TNKS2: variants seen among roughly 807,000 people sequenced by gnomAD.
TNKS2 encodes the protein tankyrase 2, also known as poly [ADP-ribose] polymerase tankyrase-2.
Under a neutral mutation model 137.6 loss-of-function variants are expected in TNKS2, and 72 were observed. The observed-to-expected ratio is 0.52, with a 90% confidence interval of 0.43 to 0.64. The LOEUF (loss-of-function observed/expected upper bound fraction) is 0.64, where lower values mean the gene tolerates loss of function less well. Ranked by LOEUF, TNKS2 falls within the 30% of genes least tolerant of loss-of-function variation. The pLI is 0.00. For synonymous variants in TNKS2, 516 were observed against 512.1 expected (o/e 1.01, Z -0.10); for missense variants, 1,049 against 1,410.2 (o/e 0.74, Z 4.10).
rs780028856 is a variant in TNKS2, at chr10:91,862,132, T to C, written c.3415T>C (p.Tyr1139His). The C allele has an allele frequency of 6.2e-7, 1 of 1,608,846 alleles. No individual in the cohort carries two copies. Among genetic ancestry groups the C allele is most frequent in the Admixed American group, 1.7e-5 (1 of 59,126 alleles). The change falls in exon 26 of 27, where the codon TAT becomes CAT. Residue 1139 changes from tyrosine to histidine, a missense_variant. This residue lies in a region of TNKS2 where 133 missense variants were observed against 248.4 expected (regional missense o/e 0.54). Coordinates refer to ENST00000371627, the MANE Select transcript of TNKS2 (RefSeq NM_025235.4). ...PSVNGLALAE[Y>H]VIYRGEQAYP... is the part of the protein sequence containing the mutation. ...TGTAAATGGCCTAGCATTAGCTGAATATGTTATTTACAGAGGAGAACAGGT... is the reference window on the plus strand; with the variant it reads ...TGTAAATGGCCTAGCATTAGCTGAACATGTTATTTACAGAGGAGAACAGGT...
chr10:91,847,442 G>A (rs540989149), intron 18 of TNKS2, among the ~76,000 whole-genome samples: 11 of 152,190 alleles, frequency 7.2e-5, no homozygotes, highest in African/African-American at 2.4e-4. Flanking sequence ...TGGGCTCACT[G>A]CAACCTCCGC....
rs905658019 is a variant in TNKS2, at chr10:91,865,433, A to C, written c.*2434A>C. On this transcript the variant is annotated 3_prime_UTR_variant, in exon 27 of 27. Transcript: ENST00000371627. ...TGCAGTTTGAAGTTTGAAATATTGAATATTGTAGCTGTACTTGCTCATTAA... is the reference window on the plus strand; with the variant it reads ...TGCAGTTTGAAGTTTGAAATATTGACTATTGTAGCTGTACTTGCTCATTAA... Among the ~76,000 whole-genome samples the C allele has an allele frequency of 6.6e-6, 1 of 152,196 alleles. No individual in the cohort carries two copies. The highest frequency in any genetic ancestry group is 2.4e-5 in the African/African-American group (1 of 41,464).
rs1844733718 is a variant in TNKS2 at position 91,817,233 on chromosome 10, A to G, written c.520+4A>G. On this transcript the variant is annotated splice_donor_region_variant and intron_variant, in intron 3 of 26. Coordinates refer to ENST00000371627, the MANE Select transcript of TNKS2 (RefSeq NM_025235.4). ...TCTGCCAAAGCAGTGCTTACTGGTA[A>G]GTCTGTATACTCTGGTTATTCCAGG... is the stretch of plus-strand genomic sequence containing the variant. 3 of 1,608,030 alleles carry G rather than the reference A, an allele frequency of 1.9e-6. No individual in the cohort carries two copies. The highest frequency in any genetic ancestry group is 1.7e-5 in the Admixed American group (1 of 59,750).
In TNKS2 at chr10:91,831,152, G is replaced by A; in HGVS notation, c.1246G>A (p.Val416Ile). 1 of 1,613,968 alleles carries A rather than the reference G, an allele frequency of 6.2e-7. No individual in the cohort carries two copies. The highest frequency in any genetic ancestry group is 8.5e-7 in the Non-Finnish European group (1 of 1,179,932). The change falls in exon 11 of 27, where the codon GTT (valine) becomes ATT (isoleucine). Residue 416 changes from valine to isoleucine, a missense_variant. By Grantham distance (29) the Val-to-Ile change is conservative (BLOSUM62 3). Transcript: ENST00000371627. ...ATCTGAGAAAGCTCATAATGATGTTGTTGAAGTAGTGGTGAAACATGAAGC... is the reference window on the plus strand; with the variant it reads ...ATCTGAGAAAGCTCATAATGATGTTATTGAAGTAGTGGTGAAACATGAAGC... ...VASEKAHNDV[V>I]EVVVKHEAKV...
chr10:91,816,456 C>T (rs1844700316), intron 2 of TNKS2, among the ~76,000 whole-genome samples: 1 of 151,996 alleles, frequency 6.6e-6, no homozygotes, highest in African/African-American at 2.4e-5. Flanking sequence ...TAATTTGCAC[C>T]TCGGTTTCAA....
intron 7 of TNKS2, among the ~76,000 whole-genome samples, chr10:91,824,706 G>A (rs545112193): frequency 2.6e-5 from 4 of 152,304 alleles, no homozygotes; most frequent in East Asian, 1.9e-4. Flanking sequence ...ATGAAGCTGG[G>A]AAGGATAACT....
chr10:91,855,866 A>G (rs1300779190), intron 23 of TNKS2, among the ~76,000 whole-genome samples, 178 bp downstream of exon 23: 1 of 152,154 alleles, frequency 6.6e-6, no homozygotes, highest in Non-Finnish European at 1.5e-5. Flanking sequence ...TCCCTGTGCT[A>G]TTTTTAATAA....
chr10:91,845,088 G>A (rs904868110), intron 17 of TNKS2, 60 bp downstream of exon 17: 7 of 1,062,562 alleles, frequency 6.6e-6, no homozygotes, highest in East Asian at 5.0e-5. Context: ...AGTCAGTATT[G>A]CAGCTCAAAT....
intron 2 of TNKS2, among the ~76,000 whole-genome samples, 168 bp downstream of exon 2, chr10:91,813,375 A>G (rs1294726853): frequency 1.3e-5 from 2 of 152,222 alleles, no homozygotes; most frequent in Non-Finnish European, 2.9e-5. Flanking sequence ...TGTGTGTAGT[A>G]CTGAGCCTAA....
intron 13 of TNKS2, among the ~76,000 whole-genome samples, chr10:91,839,127 A>G (rs1589678052): frequency 6.6e-6 from 1 of 152,074 alleles, no homozygotes; most frequent in African/African-American, 2.4e-5. Context: ...TGGCCTCCCA[A>G]CGTGCTGGGA....
chr10:91,801,676 G>T (rs1021232066), intron 1 of TNKS2, among the ~76,000 whole-genome samples: 1 of 151,794 alleles, frequency 6.6e-6, no homozygotes, highest in African/African-American at 2.4e-5. Flanking sequence ...GTTTCAACAT[G>T]TTGGTCAGGC....
chr10:91,842,204 T>A lies in TNKS2; in HGVS notation c.1872T>A (p.Asp624Glu), dbSNP rs2133655204. 10 of 1,609,208 alleles carry A rather than the reference T, an allele frequency of 6.2e-6. No individual in the cohort carries two copies. In the South Asian group the frequency reaches 7.9e-5, roughly 13 times the overall value. Residue 624 changes from aspartate to glutamate, a missense_variant, in exon 16 of 27, where the codon GAT (aspartate) becomes GAA (glutamate). Physicochemically the swap from Asp to Glu is conservative, Grantham distance 45. Around this residue, in one of 6 missense-constraint regions of TNKS2, gnomAD observed 328 missense variants for 436.0 expected, o/e 0.75. Transcript: ENST00000371627. The stretch of plus-strand genomic sequence containing the variant: ...CAGACCCTACAAAAAAAAACAGGGA[T>A]GGAAATACTCCTTTGGATCTTGTTA... ...HGADPTKKNR[D>E]GNTPLDLVKD...
intron 21 of TNKS2, among the ~76,000 whole-genome samples, chr10:91,853,164 T>A (rs1842601422): frequency 6.6e-6 from 1 of 152,168 alleles, no homozygotes; most frequent in Non-Finnish European, 1.5e-5. Context: ...AAGCAGGCAG[T>A]ATTTGTGTAT....
In TNKS2 at chr10:91,819,975, G is replaced by C; in HGVS notation, c.670G>C (p.Val224Leu). ...ACATTTGGCAGCAGGATATAACAGA[G>C]TAAAGATTGTACAGCTGTTACTGCA... ...PLHLAAGYNRVKIVQLLLQHG... is the reference protein window; with the variant it reads ...PLHLAAGYNRLKIVQLLLQHG... The change falls in exon 6 of 27, where the codon GTA becomes CTA. Residue 224 changes from valine to leucine, a missense_variant. By Grantham distance (32) the Val-to-Leu change is conservative. Transcript: ENST00000371627. 1 of 1,592,724 alleles carries C rather than the reference G, an allele frequency of 6.3e-7. No individual in the cohort carries two copies. The highest frequency in any genetic ancestry group is 1.2e-5 in the South Asian group (1 of 86,636).
At chr10:91,851,592 AT>A (rs1842538882) in intron 21 of TNKS2, among the ~76,000 whole-genome samples, 1 of 152,208 alleles carries the variant, frequency 6.6e-6, no homozygotes, top group African/African-American at 2.4e-5. Flanking sequence ...GCTCCTGAAA[AT>A]AAGGAAGTTA....
chr10:91,859,734 A>T, intron 25 of TNKS2, 86 bp downstream of exon 25: 1 of 1,091,214 alleles, frequency 9.2e-7, no homozygotes. Flanking sequence ...TATGTTGGAC[A>T]GTCTTAGGAA....
intron 26 of TNKS2, among the ~76,000 whole-genome samples, chr10:91,862,479 A>G (rs1036052988): frequency 6.6e-6 from 1 of 152,080 alleles, no homozygotes; most frequent in African/African-American, 2.4e-5. Context: ...AACTATTTCA[A>G]TTGTAAATTT....
At chr10:91,817,089 G>A in intron 2 of TNKS2, 45 bp from the exon 3 acceptor site, 1 of 1,364,270 alleles carries the variant, frequency 7.3e-7, no homozygotes, top group South Asian at 1.2e-5. Context: ...AAATCAAGTT[G>A]TTAAGATTAC....
intron 1 of TNKS2, among the ~76,000 whole-genome samples, chr10:91,802,579 AAAGTG>A (rs1844203521): frequency 6.6e-6 from 1 of 152,368 alleles, no homozygotes; most frequent in East Asian, 1.9e-4. Context: ...CTAGTACAAG[AAAGTG>A]GGATGATTCC....
Sources: gnomAD v4.1 joint callset for allele counts (sites outside exome capture counted in the v4.1 genomes callset) on GRCh38, gnomAD v4.1.1 for gene constraint, gnomAD v4.1.1 regional missense constraint, MANE v1.5 for transcripts, NCBI Gene and HGNC (gene_info 2026-07-23, HGNC 2026-07-21) for gene names.